The following ANO3 variants were observed in gnomAD, a reference collection of about 807,000 sequenced individuals.
ANO3 encodes anoctamin 3.
Under a neutral mutation model 144.8 loss-of-function variants are expected in ANO3, and 99 were observed. That is an observed-to-expected ratio of 0.68 (90% CI 0.58 to 0.81). ANO3 has a LOEUF of 0.81. Among genes scored for constraint, ANO3 ranks in the 30% least tolerant of loss-of-function variants. The probability of loss-of-function intolerance (pLI) is 0.00; values close to 1 mark genes in which losing one functional copy is unlikely to be tolerated. For synonymous variants in ANO3, 414 were observed against 392.6 expected (o/e 1.05, Z -0.64); for missense variants, 905 against 1,202.2 (o/e 0.75, Z 3.66).
intron 5 of ANO3, among the ~76,000 whole-genome samples, chr11:26,515,753 C>G (rs1006325590): frequency 1.3e-5 from 2 of 151,898 alleles, no homozygotes; most frequent in African/African-American, 4.8e-5. Flanking sequence ...CAGTGTTAAT[C>G]AAATGGAGCT....
chr11:26,368,358 CAG>C, intron 1 of ANO3, among the ~76,000 whole-genome samples: 1 of 152,228 alleles, frequency 6.6e-6, no homozygotes, highest in Middle Eastern at 3.4e-3. Flanking sequence ...CCAAATCTAA[CAG>C]AATTTTATAA....
intron 1 of ANO3, among the ~76,000 whole-genome samples, chr11:26,381,943 T>G (rs1856600271): frequency 6.6e-6 from 1 of 152,062 alleles, no homozygotes; most frequent in Admixed American, 6.6e-5. Context: ...ACCTTTGATG[T>G]CAAAAAAAGA....
At chr11:26,210,770 T>A (rs989046924) in intron 1 of ANO3, among the ~76,000 whole-genome samples, 1 of 135,896 alleles carries the variant, frequency 7.4e-6, no homozygotes, top group South Asian at 2.4e-4. Context: ...CCCTCATGAT[T>A]TGGTTCTCTG....
chr11:26,391,471 A>T (rs1383194091), intron 1 of ANO3, among the ~76,000 whole-genome samples: 1 of 152,158 alleles, frequency 6.6e-6, no homozygotes, highest in Non-Finnish European at 1.5e-5. Context: ...GAATTTAAAT[A>T]GTAGCACAAA....
intron 14 of ANO3, chr11:26,560,985 G>C (rs1850264751): frequency 7.1e-7 from 1 of 1,401,582 alleles, no homozygotes; most frequent in African/African-American, 1.5e-5. Context: ...GTAATTTTGT[G>C]TAACCTTTTG....
intron 17 of ANO3, 55 bp from the exon 18 acceptor site, chr11:26,624,407 C>A: frequency 1.6e-6 from 2 of 1,279,984 alleles, no homozygotes; most frequent in Non-Finnish European, 2.3e-6. Context: ...GTGTAAATAC[C>A]AGCCTTTTCC....
rs1602942 is a variant in ANO3, at chr11:26,504,352, C to T, written c.433-3752C>T. Among the ~76,000 whole-genome samples, 696 of 151,978 alleles carry T rather than the reference C, an allele frequency of 4.6e-3. 3 individuals carry two copies. The highest frequency in any genetic ancestry group is 0.016 in the African/African-American group (660 of 41,364). On this transcript the variant is annotated intron_variant, in intron 4 of 26. Transcript: ENST00000256737. Reference sequence around the variant, plus strand: ...CGTATTCTCTTCCTTTCTTCCTTCTCTTCTTTCTTCTTTCCTTCTTTCTAT... The same window carrying T: ...CGTATTCTCTTCCTTTCTTCCTTCTTTTCTTTCTTCTTTCCTTCTTTCTAT...
chr11:26,228,663 G>T (rs1852309538), intron 1 of ANO3, among the ~76,000 whole-genome samples: 1 of 152,178 alleles, frequency 6.6e-6, no homozygotes, highest in Non-Finnish European at 1.5e-5. Flanking sequence ...AAACATAATG[G>T]TCTGTCACTA....
chr11:26,194,352 A>G (rs1188987790), intron 1 of ANO3, among the ~76,000 whole-genome samples: 1 of 152,044 alleles, frequency 6.6e-6, no homozygotes, highest in Admixed American at 6.6e-5. Flanking sequence ...TCATTTTAAC[A>G]TTAAAGAAGG....
In ANO3 at chr11:26,246,124, A is replaced by C. The variant is rs558936860; in HGVS notation, c.154+56794A>C. On this transcript the variant is annotated intron_variant, in intron 1 of 27. Coordinates refer to the ANO3 transcript ENST00000672621. ...GAGGGGGAAGGTAAGGGAGACCTTAAGGCATCTTCAGTTCAGCATGTCAAA... is the reference window on the plus strand; with the variant it reads ...GAGGGGGAAGGTAAGGGAGACCTTACGGCATCTTCAGTTCAGCATGTCAAA... 8.7e-3 allele frequency among the ~76,000 whole-genome samples: 1,330 copies of C among 152,220 alleles called. 8 individuals carry two copies. The highest frequency in any genetic ancestry group is 0.014 in the Non-Finnish European group (937 of 68,016).
rs138741657 is a variant in ANO3, at chr11:26,341,699, G to A, written c.46+9378G>A. 4.0e-3 allele frequency among the ~76,000 whole-genome samples: 614 copies of A among 152,292 alleles called. 3 individuals are homozygous for A. The highest frequency in any genetic ancestry group is 0.01 in the Middle Eastern group (3 of 294). The stretch of plus-strand genomic sequence containing the variant: ...GGCCGTCTGCAAGTTGCAGAGCAAG[G>A]AAGCCAGTGGTGGATCAGTCCGAGT... On this transcript the variant is annotated intron_variant, in intron 1 of 26. Transcript: ENST00000256737.
At chr11:26,489,508 G>T (rs1860615891) in intron 4 of ANO3, among the ~76,000 whole-genome samples, 1 of 152,190 alleles carries the variant, frequency 6.6e-6, no homozygotes, top group Non-Finnish European at 1.5e-5. Context: ...GAAGAGGGCT[G>T]CCATCCTCCA....
At chr11:26,196,414 AT>A (rs1851590794) in intron 1 of ANO3, among the ~76,000 whole-genome samples, 2 of 152,180 alleles carry the variant, frequency 1.3e-5, no homozygotes, top group African/African-American at 4.8e-5. Flanking sequence ...CCACTGAATA[AT>A]TGACTCTAGC....
chr11:26,293,530 CATGTATATATATAT>C (rs1435533173), intron 1 of ANO3, among the ~76,000 whole-genome samples: 1,152 of 62,430 alleles, frequency 0.018, 82 homozygotes, highest in Non-Finnish European at 0.024. Flanking sequence ...CTATAAATTC[CATGTATATATATAT>C]ATATATATAT....
intron 1 of ANO3, among the ~76,000 whole-genome samples, chr11:26,190,436 T>A (rs908132068): frequency 6.6e-6 from 1 of 152,194 alleles, no homozygotes; most frequent in Non-Finnish European, 1.5e-5. Flanking sequence ...TGTTATTTTG[T>A]CTTCTAAAAT....
chr11:26,567,270 A>C, intron 14 of ANO3: 1 of 498,890 alleles, frequency 2.0e-6, no homozygotes, highest in Non-Finnish European at 3.3e-6. Flanking sequence ...CAAGCAATAA[A>C]ATCTGAGTAC....
intron 1 of ANO3, among the ~76,000 whole-genome samples, chr11:26,304,289 G>A (rs558316740): frequency 6.6e-6 from 1 of 152,056 alleles, no homozygotes; most frequent in South Asian, 2.1e-4. Context: ...CTATAGCAAT[G>A]GCAAATGTAG....
chr11:26,546,019 A>G (rs1321574159), intron 11 of ANO3, among the ~76,000 whole-genome samples: 2 of 151,896 alleles, frequency 1.3e-5, no homozygotes, highest in East Asian at 1.9e-4. Context: ...ATCATTATCT[A>G]TATCATACTG....
At chr11:26,256,005 G>C (rs747020394) in intron 1 of ANO3, among the ~76,000 whole-genome samples, 14 of 152,052 alleles carry the variant, frequency 9.2e-5, no homozygotes, top group Non-Finnish European at 1.6e-4. Flanking sequence ...AATTATAAAA[G>C]GAGAATTAGA....
Sources: allele counts gnomAD v4.1 joint callset (sites outside exome capture counted in the v4.1 genomes callset), GRCh38; gene constraint gnomAD v4.1.1; transcripts MANE v1.5; gene names NCBI Gene and HGNC (gene_info 2026-07-23, HGNC 2026-07-21).